Variants in KDM6B observed in about 807,000 individuals in gnomAD.
KDM6B encodes lysine demethylase 6B, also known as lysine-specific demethylase 6B.
Under a neutral mutation model 150.4 loss-of-function variants are expected in KDM6B, and 22 were observed. That is an observed-to-expected ratio of 0.15 (90% CI 0.10 to 0.21). The LOEUF (loss-of-function observed/expected upper bound fraction) is 0.21, where lower values mean the gene tolerates loss of function less well. Among genes scored for constraint, KDM6B ranks in the 10% least tolerant of loss-of-function variants. The pLI is 1.00. For missense variants in KDM6B, 1,984 were observed against 2,234.3 expected (o/e 0.89, Z 2.26); for synonymous variants, 1,148 against 921.1 (o/e 1.25, Z -4.46).
chr17:7,847,693 C>T lies in KDM6B; in HGVS notation c.1405C>T (p.Pro469Ser), dbSNP rs1193985637. Reference protein sequence around the residue: ...LSLPPGPSSPPPPPCPRLLRP... With the variant: ...LSLPPGPSSPSPPPCPRLLRP... ...CCTGCCACCTGGACCTTCCTCACCC[C>T]CTCCACCCCCCTGTCCCCGCCTCTT... The change falls in exon 12 of 24, where the codon CCT (proline) becomes TCT (serine). Residue 469 changes from proline to serine, a missense_variant. Coordinates refer to ENST00000448097, the MANE Select transcript of KDM6B (RefSeq NM_001348716.2). 7 of 1,550,236 alleles carry T rather than the reference C, an allele frequency of 4.5e-6. No individual in the cohort carries two copies. The highest frequency in any genetic ancestry group is 2.4e-5 in the East Asian group (1 of 41,740).
rs759242835 is a variant in KDM6B, at chr17:7,847,577, T to C, written c.1289T>C (p.Leu430Pro). Residue 430 changes from leucine (L) to proline (P), a missense_variant, in exon 12 of 24, where the codon CTG (leucine) becomes CCG (proline). Leu to Pro is a moderately conservative substitution (Grantham distance 98). Coordinates refer to ENST00000448097, the MANE Select transcript of KDM6B (RefSeq NM_001348716.2). ...GCTGACCATTACCAAACTCCCGCGC[T>C]GGAGGTCTCTCACCATGGCCGCCTG... is the stretch of plus-strand genomic sequence containing the variant. ...PGADHYQTPALEVSHHGRLGP... is the reference protein window; with the variant it reads ...PGADHYQTPAPEVSHHGRLGP... 2.5e-6 allele frequency: 4 copies of C among 1,613,316 alleles called. No homozygotes were observed. The highest frequency in any genetic ancestry group is 2.2e-5 in the East Asian group (1 of 44,876).
Position 7,853,602 on chromosome 17 carries a change from C to T in KDM6B, c.*81C>T, listed in dbSNP as rs1329396466. The T allele has an allele frequency of 2.7e-6, 3 of 1,106,330 alleles. No individual in the cohort carries two copies. Among genetic ancestry groups the T allele is most frequent in the East Asian group, 3.7e-5 (1 of 27,370 alleles). The allele number at this position is 1,106,330 out of a possible 1,614,324, so 68.5% of individuals were successfully genotyped here. On this transcript the variant is annotated 3_prime_UTR_variant, in exon 24 of 24. Coordinates refer to ENST00000448097, the MANE Select transcript of KDM6B (RefSeq NM_001348716.2). ...ACATGCCTGGGCTGGACCTAGGTCC[C>T]GCCTGTGGCCGAGAAGGGGGTCGGG...
Position 7,847,235 on chromosome 17 carries a change from A to ATGGC in KDM6B, c.1043_1046dup (p.Cys349TrpfsTer12). 8.2e-7 allele frequency: 1 copy of ATGGC among 1,217,044 alleles called. No individual in the cohort carries two copies. Among genetic ancestry groups the ATGGC allele is most frequent in the Non-Finnish European group, 1.1e-6 (1 of 902,774 alleles). The allele number at this position is 1,217,044 out of a possible 1,614,324, so 75.4% of individuals were successfully genotyped here. ...CCCCGCCCCCCAGGAGCAGAGAGCC[A>ATGGC]TGGCTGCCTGCCTGCCACCCGTCCC... On this transcript the variant is annotated frameshift_variant, in exon 11 of 24. Coordinates refer to ENST00000448097, the MANE Select transcript of KDM6B (RefSeq NM_001348716.2). LOFTEE classifies it high-confidence loss of function.
Position 7,845,457 on chromosome 17 carries a change from G to C in KDM6B, c.-6+1G>C, listed in dbSNP as rs2078511978. 1.3e-6 allele frequency: 2 copies of C among 1,502,468 alleles called. No homozygotes were observed. Among genetic ancestry groups the C allele is most frequent in the East Asian group, 4.5e-5 (2 of 44,358 alleles). The allele number at this position is 1,502,468 out of a possible 1,614,324, so 93.1% of individuals were successfully genotyped here. On this transcript the variant is annotated splice_donor_variant, in intron 4 of 23. Transcript: ENST00000448097. LOFTEE classifies it low-confidence loss of function (5UTR_SPLICE). Reference sequence around the variant, plus strand: ...GGCTCCTGGGGCCACTGCTGACCTGGTAAGGGAAACTCTGGGGCCGAGCTG... The same window carrying C: ...GGCTCCTGGGGCCACTGCTGACCTGCTAAGGGAAACTCTGGGGCCGAGCTG...
intron 2 of KDM6B, among the ~76,000 whole-genome samples, chr17:7,841,688 G>T (rs2078416688): frequency 6.6e-6 from 1 of 152,350 alleles, no homozygotes; most frequent in East Asian, 1.9e-4. Flanking sequence ...GACCGTGTCA[G>T]ACAGACTGGT....
rs764885200 is a variant in KDM6B, at chr17:7,850,185, T to TG, written c.3673+14dup. ...CGGGCTCCCTGCGGCTCAGTGAGTA[T>TG]GGGGGGCAGAAAGTGTTAGGGAGGG... On this transcript the variant is annotated intron_variant, in intron 14 of 23. Coordinates refer to ENST00000448097, the MANE Select transcript of KDM6B (RefSeq NM_001348716.2). 6.2e-6 allele frequency: 10 copies of TG among 1,609,314 alleles called. No individual in the cohort carries two copies. The highest frequency in any genetic ancestry group is 7.6e-6 in the Non-Finnish European group (9 of 1,176,738).
rs1372637679 is a variant in KDM6B at position 7,848,938 on chromosome 17, G to C, written c.2650G>C (p.Ala884Pro). 4 of 1,597,212 alleles carry C rather than the reference G, an allele frequency of 2.5e-6. No individual in the cohort carries two copies. Among genetic ancestry groups the C allele is most frequent in the Non-Finnish European group, 3.4e-6 (4 of 1,171,280 alleles). ...SGGPWARERR[A>P]GEEPVPGPMT... ...CGGGCCCTGGGCCCGGGAGCGCAGG[G>C]CGGGCGAAGAGCCAGTCCCGGGCCC... The change falls in exon 12 of 24, where the codon GCG becomes CCG. Residue 884 changes from alanine (A) to proline (P), a missense_variant. Physicochemically the swap from Ala to Pro is conservative, Grantham distance 27. Around this residue, in one of 13 missense-constraint regions of KDM6B, gnomAD observed 1,379 missense variants for 1,275.6 expected, o/e 1.08. Coordinates refer to ENST00000448097, the MANE Select transcript of KDM6B (RefSeq NM_001348716.2).
At position 7,848,792 on chromosome 17, in the gene KDM6B, C is replaced by T; in HGVS notation, c.2504C>T (p.Thr835Ile). ...VSTRPGPLPTTQYSPGPPSGA... is the reference protein window; with the variant it reads ...VSTRPGPLPTIQYSPGPPSGA... Reference sequence around the variant, plus strand: ...ACCCGGCCTGGGCCCTTGCCCACCACTCAGTATTCCCCTGGCCCCCCATCA... The same window carrying T: ...ACCCGGCCTGGGCCCTTGCCCACCATTCAGTATTCCCCTGGCCCCCCATCA... The change falls in exon 12 of 24, where the codon ACT becomes ATT. Residue 835 changes from threonine to isoleucine, a missense_variant. Transcript: ENST00000448097. 1 of 1,612,862 alleles carries T rather than the reference C, an allele frequency of 6.2e-7. No individual in the cohort carries two copies. The highest frequency in any genetic ancestry group is 1.1e-5 in the South Asian group (1 of 91,092).
chr17:7,836,719 T>C (rs1057088090), intron 1 of KDM6B, among the ~76,000 whole-genome samples: 2 of 152,248 alleles, frequency 1.3e-5, no homozygotes, highest in Admixed American at 6.5e-5. Flanking sequence ...GTAAAAGAGA[T>C]AAGGACGCCT....
chr17:7,841,116 G>C (rs2078408029), intron 2 of KDM6B, among the ~76,000 whole-genome samples: 1 of 152,202 alleles, frequency 6.6e-6, no homozygotes, highest in Non-Finnish European at 1.5e-5. Context: ...CTGTAAAATG[G>C]GGGTAATCAG....
In KDM6B at chr17:7,848,970, C is replaced by G. The variant is rs773026768; in HGVS notation, c.2682C>G (p.Thr894=). Residue 894 remains threonine, a synonymous_variant, in exon 12 of 24, where the codon ACC becomes ACG. Transcript: ENST00000448097. Reference sequence around the variant, plus strand: ...AAGAGCCAGTCCCGGGCCCCATGACCCCCACCCAACCGCCCCCACCCCTAT... The same window carrying G: ...AAGAGCCAGTCCCGGGCCCCATGACGCCCACCCAACCGCCCCCACCCCTAT... The part of the protein sequence containing the change: ...AGEEPVPGPM[T]PTQPPPPLSL... The G allele has an allele frequency of 8.9e-6, 14 of 1,564,614 alleles. No homozygotes were observed. In the African/African-American group the frequency reaches 1.1e-4, roughly 12 times the overall value.
At chr17:7,846,371 G>GGGGCGGGGCCGGGGGCC in intron 7 of KDM6B, 29 bp from the exon 8 acceptor site, 1 of 1,488,918 alleles carries the variant, frequency 6.7e-7, no homozygotes, top group Non-Finnish European at 9.2e-7. Flanking sequence ...CCTGACATCT[G>GGGGCGGGGCCGGGGGCC]CCCCTGCCCC....
Position 7,847,646 on chromosome 17 carries a change from C to T in KDM6B, c.1358C>T (p.Pro453Leu). 6.2e-7 allele frequency: 1 copy of T among 1,610,838 alleles called. No individual in the cohort carries two copies. The highest frequency in any genetic ancestry group is 8.5e-7 in the Non-Finnish European group (1 of 1,179,200). Residue 453 changes from proline (P) to leucine (L), a missense_variant, in exon 12 of 24, where the codon CCC (proline) becomes CTC (leucine). Pro to Leu is a moderately conservative substitution (Grantham distance 98). Transcript: ENST00000448097. The stretch of plus-strand genomic sequence containing the variant: ...AGTCGGAAACCGTTCTTGGGGGCTC[C>T]CGCTGCCACTCCCCACCTATCCCTG... The part of the protein sequence containing the change: ...HSSRKPFLGA[P>L]AATPHLSLPP...
Position 7,851,379 on chromosome 17 carries a change from C to T in KDM6B, c.3929C>T (p.Thr1310Ile). 6.2e-7 allele frequency: 1 copy of T among 1,614,198 alleles called. No homozygotes were observed. Among genetic ancestry groups the T allele is most frequent in the Non-Finnish European group, 8.5e-7 (1 of 1,180,022 alleles). The change falls in exon 16 of 24, where the codon ACT becomes ATT. Residue 1310 changes from threonine to isoleucine, a missense_variant. Transcript: ENST00000448097. ...GAGTCAGAGGAGCCAGACAGCACCA[C>T]TGGAACCCCTCCTAGGTACTGTGCA... ...DEESEEPDST[T>I]GTPPSSAPDP...
rs935854474 is a variant in KDM6B, at chr17:7,845,794, G to A, written c.138-78G>A. On this transcript the variant is annotated intron_variant, in intron 5 of 23. Coordinates refer to ENST00000448097, the MANE Select transcript of KDM6B (RefSeq NM_001348716.2). Reference sequence around the variant, plus strand: ...GGTTCCTGTCATTCTGTGGGCTTCCGTGCATCAGCCCCCTCCTGCCTAGGT... The same window carrying A: ...GGTTCCTGTCATTCTGTGGGCTTCCATGCATCAGCCCCCTCCTGCCTAGGT... The A allele has an allele frequency of 1.8e-5, 28 of 1,591,826 alleles. 1 individual carries two copies. Among genetic ancestry groups the A allele is most frequent in the Middle Eastern group, 3.3e-4 (2 of 6,030 alleles).
rs201637585 is a variant in KDM6B, at chr17:7,848,943, C to T, written c.2655C>T (p.Gly885=). 25 of 1,594,668 alleles carry T rather than the reference C, an allele frequency of 1.6e-5. No individual in the cohort carries two copies. Among genetic ancestry groups the T allele is most frequent in the Middle Eastern group, 1.7e-4 (1 of 5,752 alleles). The part of the protein sequence containing the change: ...GGPWARERRA[G]EEPVPGPMTP... ...CCTGGGCCCGGGAGCGCAGGGCGGG[C>T]GAAGAGCCAGTCCCGGGCCCCATGA... The change falls in exon 12 of 24, where the codon GGC becomes GGT. Residue 885 remains glycine, a synonymous_variant. Coordinates refer to ENST00000448097, the MANE Select transcript of KDM6B (RefSeq NM_001348716.2).
In KDM6B at chr17:7,848,879, C is replaced by T. The variant is rs1429197829; in HGVS notation, c.2591C>T (p.Ser864Phe). 2 of 1,608,928 alleles carry T rather than the reference C, an allele frequency of 1.2e-6. No individual in the cohort carries two copies. Among genetic ancestry groups the T allele is most frequent in the East Asian group, 2.2e-5 (1 of 44,772 alleles). The change falls in exon 12 of 24, where the codon TCT becomes TTT. Residue 864 changes from serine to phenylalanine, a missense_variant. Physicochemically the swap from Ser to Phe is radical, Grantham distance 155. This residue lies in a region of KDM6B where 1,379 missense variants were observed against 1,275.6 expected (regional missense o/e 1.08). Transcript: ENST00000448097. ...APSAQGSPQPSASSSSQFSTS... is the reference protein window; with the variant it reads ...APSAQGSPQPFASSSSQFSTS... ...AGCGCCCAGGGCTCCCCACAGCCCT[C>T]TGCTTCCTCGTCATCTCAGTTCTCT...
At position 7,843,855 on chromosome 17, in the gene KDM6B, AGAGCT is replaced by A. The variant is rs1315689038; in HGVS notation, c.-268-1044_-268-1040del. On this transcript the variant is annotated intron_variant, in intron 2 of 23. Coordinates refer to ENST00000448097, the MANE Select transcript of KDM6B (RefSeq NM_001348716.2). This position sits in a 1 kb window ranked among gnomAD's most constrained non-coding sequence, Gnocchi z 4.5. Reference sequence around the variant, plus strand: ...CCTGGGCTCAGAGAGGCGAGAAGGAAGAGCTGGGGCTAAAGGGAAGGTGCCCAAGA... The same window carrying A: ...CCTGGGCTCAGAGAGGCGAGAAGGAAGGGGCTAAAGGGAAGGTGCCCAAGA... 1.3e-5 allele frequency among the ~76,000 whole-genome samples: 2 copies of A among 152,042 alleles called. No homozygotes were observed. Among genetic ancestry groups the A allele is most frequent in the African/African-American group, 4.8e-5 (2 of 41,408 alleles).
intron 4 of KDM6B, 42 bp downstream of exon 4, chr17:7,845,498 G>A (rs1033538423): frequency 6.2e-6 from 10 of 1,609,278 alleles, no homozygotes; most frequent in Non-Finnish European, 8.5e-6. Context: ...ATGTACACTG[G>A]CAGCTCTGGT....
Sources: allele counts gnomAD v4.1 joint callset (sites outside exome capture counted in the v4.1 genomes callset), GRCh38; gene constraint gnomAD v4.1.1; regional missense constraint gnomAD v4.1.1; non-coding constraint Gnocchi (gnomAD v3.1); transcripts MANE v1.5; gene names NCBI Gene and HGNC (gene_info 2026-07-23, HGNC 2026-07-21).